The following FKTN variants were observed in gnomAD, a reference collection of about 807,000 sequenced individuals.
The protein encoded by FKTN is ribitol-5-phosphate transferase FKTN.
In FKTN, 47 loss-of-function variants were observed where a neutral mutation model predicts 58.6. The observed-to-expected ratio is 0.80, with a 90% CI of 0.63 to 1.02. The LOEUF (loss-of-function observed/expected upper bound fraction) is 1.02. Ranked by LOEUF, FKTN falls within the 50% of genes least tolerant of loss-of-function variation. The probability of loss-of-function intolerance (pLI) is 0.00; values close to 1 mark genes in which losing one functional copy is unlikely to be tolerated. For missense variants in FKTN, 516 were observed against 537.3 expected (o/e 0.96, Z 0.39); for synonymous variants, 178 against 191.9 (o/e 0.93, Z 0.60).
rs191548331 is a variant in FKTN, at chr9:105,631,510, C to T, written c.1173-3541C>T. ...ACAAAATGGGAGAAAATTTTTGCAA[C>T]CTACTCATCTGACAAAGGGCTAATA... On this transcript the variant is annotated intron_variant, in intron 10 of 10. Coordinates refer to ENST00000357998, the MANE Select transcript of FKTN (RefSeq NM_001079802.2). 9.3e-4 allele frequency among the ~76,000 whole-genome samples: 142 copies of T among 152,038 alleles called. 2 individuals are homozygous for T. Among genetic ancestry groups the T allele is most frequent in the African/African-American group, 3.4e-3 (139 of 41,462 alleles).
intron 1 of FKTN, among the ~76,000 whole-genome samples, chr9:105,572,821 C>G (rs145270184): frequency 5.9e-5 from 9 of 152,328 alleles, no homozygotes; most frequent in Non-Finnish European, 1.3e-4. Flanking sequence ...CACATATACA[C>G]ATGTACAAAA....
intron 7 of FKTN, among the ~76,000 whole-genome samples, chr9:105,612,481 A>G (rs934547340): frequency 1.5e-5 from 2 of 136,796 alleles, no homozygotes; most frequent in African/African-American, 5.7e-5. Flanking sequence ...CCTAAATGGT[A>G]TTGCCTGGGT....
chr9:105,572,279 G>T (rs139012394), intron 1 of FKTN, among the ~76,000 whole-genome samples: 1,947 of 151,648 alleles, frequency 0.013, 19 homozygotes, highest in Non-Finnish European at 0.018. Flanking sequence ...ATAGTCATCA[G>T]CTCTGGCAGC....
At chr9:105,616,287 A>G (rs1488793913) in intron 8 of FKTN, among the ~76,000 whole-genome samples, 1 of 152,156 alleles carries the variant, frequency 6.6e-6, no homozygotes, top group Admixed American at 6.5e-5. Flanking sequence ...TTTTATAATT[A>G]TAAAAAACCC....
At chr9:105,628,873 A>G (rs773993587) in intron 10 of FKTN, among the ~76,000 whole-genome samples, 1 of 152,214 alleles carries the variant, frequency 6.6e-6, no homozygotes, top group Non-Finnish European at 1.5e-5. Context: ...ACCAACCAAC[A>G]GTGTAATAAG....
intron 10 of FKTN, among the ~76,000 whole-genome samples, chr9:105,628,985 A>G (rs932868115): frequency 1.5e-4 from 23 of 152,226 alleles, no homozygotes; most frequent in African/African-American, 5.5e-4. Flanking sequence ...TATCTTGATT[A>G]TTGTGGTTAC....
intron 1 of FKTN, among the ~76,000 whole-genome samples, chr9:105,559,437 T>A (rs1015106398): frequency 2.0e-5 from 3 of 152,150 alleles, no homozygotes; most frequent in Non-Finnish European, 4.4e-5. Flanking sequence ...ATCCCAGCAC[T>A]TTGGGAGGCT....
At chr9:105,576,732 G>A (rs1841790111) in intron 3 of FKTN, among the ~76,000 whole-genome samples, 1 of 83,292 alleles carries the variant, frequency 1.2e-5, no homozygotes, top group African/African-American at 5.5e-5. Flanking sequence ...AGATCCCTGA[G>A]GAATCGCCAC....
intron 4 of FKTN, among the ~76,000 whole-genome samples, chr9:105,599,330 A>T (rs1827405869): frequency 6.6e-6 from 1 of 152,092 alleles, no homozygotes; most frequent in Non-Finnish European, 1.5e-5. Flanking sequence ...GATAAATACT[A>T]CTTGGTCATG....
chr9:105,579,375 T>G (rs1316689533), intron 3 of FKTN, among the ~76,000 whole-genome samples: 2 of 152,188 alleles, frequency 1.3e-5, no homozygotes, highest in Non-Finnish European at 2.9e-5. Context: ...GTCTTTGTTC[T>G]CGTTGGTTTC....
At chr9:105,580,013 T>G (rs1314681558) in intron 3 of FKTN, among the ~76,000 whole-genome samples, 3 of 151,892 alleles carry the variant, frequency 2.0e-5, no homozygotes, top group Admixed American at 6.6e-5. Flanking sequence ...GTTTTCCATT[T>G]GCTTGGTAGA....
At chr9:105,632,583 A>C (rs1328999309) in intron 10 of FKTN, among the ~76,000 whole-genome samples, 3 of 152,042 alleles carry the variant, frequency 2.0e-5, no homozygotes, top group Non-Finnish European at 4.4e-5. Context: ...AGTTGTATTC[A>C]TAGGTTGTGC....
Position 105,639,599 on chromosome 9 carries a change from C to T in FKTN, c.*4335C>T. The T allele has an allele frequency of 2.0e-6, 2 of 978,680 alleles. No homozygotes were observed. The highest frequency in any genetic ancestry group is 2.4e-6 in the Non-Finnish European group (2 of 823,910). 60.6% of individuals were successfully genotyped at this position (978,680 alleles called of 1,614,324 possible). ...GAATTATAGAAACCATGGGTCAGAA[C>T]ATATTCCTTTACTCAAAAGATTGCA... is the stretch of plus-strand genomic sequence containing the variant. On this transcript the variant is annotated 3_prime_UTR_variant, in exon 11 of 11. Coordinates refer to ENST00000357998, the MANE Select transcript of FKTN (RefSeq NM_001079802.2).
intron 1 of FKTN, among the ~76,000 whole-genome samples, chr9:105,564,207 G>A (rs1343229682): frequency 1.3e-5 from 2 of 152,164 alleles, no homozygotes; most frequent in Non-Finnish European, 1.5e-5. Context: ...AAAAAACAGA[G>A]CAGAAAAACT....
At chr9:105,571,014 G>A (rs1840642058) in intron 1 of FKTN, among the ~76,000 whole-genome samples, 1 of 152,150 alleles carries the variant, frequency 6.6e-6, no homozygotes, top group Non-Finnish European at 1.5e-5. Flanking sequence ...CCTGTATTCA[G>A]TCAGATTGTG....
intron 3 of FKTN, among the ~76,000 whole-genome samples, chr9:105,586,976 C>G (rs948309694): frequency 6.6e-6 from 1 of 152,114 alleles, no homozygotes; most frequent in Non-Finnish European, 1.5e-5. Context: ...TTTATTCATA[C>G]AGCTATTCCA....
intron 10 of FKTN, among the ~76,000 whole-genome samples, chr9:105,621,702 T>G (rs959413210): frequency 2.6e-5 from 4 of 152,130 alleles, no homozygotes; most frequent in Non-Finnish European, 5.9e-5. Context: ...ACTGTCTGTA[T>G]GTTCTTTTCC....
At chr9:105,564,249 C>T (rs1241212161) in intron 1 of FKTN, among the ~76,000 whole-genome samples, 1 of 152,220 alleles carries the variant, frequency 6.6e-6, no homozygotes, top group East Asian at 1.9e-4. Flanking sequence ...ACCTCTCCTC[C>T]TCCAAAGGAA....
intron 3 of FKTN, among the ~76,000 whole-genome samples, chr9:105,579,823 G>C (rs1842521755): frequency 6.6e-6 from 1 of 151,416 alleles, no homozygotes; most frequent in Admixed American, 6.6e-5. Flanking sequence ...AGGTCACACA[G>C]GACTTGCTTT....
Sources: allele counts gnomAD v4.1 joint callset (sites outside exome capture counted in the v4.1 genomes callset), GRCh38; gene constraint gnomAD v4.1.1; transcripts MANE v1.5; gene names NCBI Gene and HGNC (gene_info 2026-07-23, HGNC 2026-07-21).